DPF3: variants seen among roughly 807,000 people sequenced by gnomAD.
DPF3 encodes double PHD fingers 3.
DPF3 carries 18 observed loss-of-function variants against 56.8 expected under a neutral mutation model. The observed-to-expected ratio is 0.32, with a 90% CI of 0.22 to 0.47. The LOEUF is 0.47. Among genes scored for constraint, DPF3 ranks in the 20% least tolerant of loss-of-function variants. DPF3 has a pLI of 1.00. For missense variants in DPF3, 403 were observed against 488.8 expected, an observed-to-expected ratio of 0.82 and a Z score of 1.65; for synonymous variants, 188 against 180.2, an observed-to-expected ratio of 1.04 and a Z score of -0.35.
chr14:72,615,077 G>A lies in DPF3; in HGVS notation c.*4220C>T, dbSNP rs12434675. On this transcript the variant is annotated 3_prime_UTR_variant, in exon 11 of 11. Transcript: ENST00000556509. ...TCTGGCCAGAGCCAACTTCTCCCTC[G>A]GGCTGAGACATGGGGACCCCCTGAA... Among the ~76,000 whole-genome samples the A allele has an allele frequency of 0.26, 40,007 of 152,000 alleles. 6,594 individuals carry two copies. Among genetic ancestry groups the A allele is most frequent in the East Asian group, 0.64 (3,277 of 5,122 alleles).
intron 1 of DPF3, among the ~76,000 whole-genome samples, chr14:72,855,552 G>A (rs186261237): frequency 1.6e-4 from 25 of 152,320 alleles, no homozygotes; most frequent in African/African-American, 6.0e-4. Context: ...GTGTCTAGAA[G>A]GTTCAACCAC....
chr14:72,856,120 C>T (rs748863841), intron 1 of DPF3, among the ~76,000 whole-genome samples: 1 of 152,172 alleles, frequency 6.6e-6, no homozygotes, highest in Non-Finnish European at 1.5e-5. Context: ...TTGGGCAGGG[C>T]ACTTCTTTGG....
intron 2 of DPF3, among the ~76,000 whole-genome samples, chr14:72,756,828 GAA>G (rs1221382752): frequency 1.6e-4 from 13 of 79,672 alleles, no homozygotes; most frequent in East Asian, 1.0e-3. Context: ...AAGACAGAAA[GAA>G]AGAAAGAAAG....
chr14:72,669,796 G>A (rs552855658), intron 8 of DPF3, among the ~76,000 whole-genome samples: 21 of 152,248 alleles, frequency 1.4e-4, no homozygotes, highest in Non-Finnish European at 2.8e-4. Context: ...GAGGGCCAGG[G>A]GGAGACACTC....
chr14:72,861,741 A>AAGAAAGAAAGAAAG (rs1567261099), intron 1 of DPF3, among the ~76,000 whole-genome samples: 25 of 107,372 alleles, frequency 2.3e-4, no homozygotes, highest in South Asian at 9.6e-4. Flanking sequence ...AAGAAAGAGA[A>AAGAAAGAAAGAAAG]AGAAAGAAAG....
intron 3 of DPF3, among the ~76,000 whole-genome samples, chr14:72,742,278 CA>C (rs2139877897): frequency 6.6e-6 from 1 of 152,316 alleles, no homozygotes; most frequent in South Asian, 2.1e-4. Context: ...CACTTGAAGG[CA>C]TCCATTCTCC....
At chr14:72,861,737 G>GAAAGAGAA (rs1555513992) in intron 1 of DPF3, among the ~76,000 whole-genome samples, 3 of 84,608 alleles carry the variant, frequency 3.5e-5, no homozygotes, top group East Asian at 3.4e-4. Flanking sequence ...AAGAAAGAAA[G>GAAAGAGAA]AGAAAGAAAG....
chr14:72,632,758 G>A (rs1031674021), intron 8 of DPF3, among the ~76,000 whole-genome samples: 2 of 139,752 alleles, frequency 1.4e-5, no homozygotes, highest in Non-Finnish European at 3.1e-5. Flanking sequence ...GATGGAGGGA[G>A]GGGAAGGGGA....
intron 1 of DPF3, among the ~76,000 whole-genome samples, chr14:72,813,481 A>C (rs1883150273): frequency 6.6e-6 from 1 of 152,190 alleles, no homozygotes; most frequent in Non-Finnish European, 1.5e-5. Flanking sequence ...GCCACTTCCC[A>C]GCCCACAGCA....
At chr14:72,852,765 A>G (rs1885030525) in intron 1 of DPF3, among the ~76,000 whole-genome samples, 1 of 152,204 alleles carries the variant, frequency 6.6e-6, no homozygotes, top group Admixed American at 6.5e-5. Context: ...CGATTTCTAC[A>G]TGGAATGTTT....
intron 9 of DPF3, 26 bp downstream of exon 9, chr14:72,629,598 T>G: frequency 6.6e-7 from 1 of 1,523,242 alleles, no homozygotes; most frequent in South Asian, 1.2e-5. Context: ...GATTTCTCCC[T>G]CCCACAGGGA....
At chr14:72,672,393 A>G (rs1009449198) in intron 8 of DPF3, among the ~76,000 whole-genome samples, 1 of 152,192 alleles carries the variant, frequency 6.6e-6, no homozygotes, top group African/African-American at 2.4e-5. Context: ...CTTCTCTGGA[A>G]GGACCGTAGG....
chr14:72,893,988 C>G (rs1213048564), intron 1 of DPF3, 69 bp downstream of exon 1: 9 of 1,593,638 alleles, frequency 5.6e-6, no homozygotes, highest in Non-Finnish European at 7.7e-6. Flanking sequence ...CAGCGCTCGC[C>G]ACGCAGAAGG....
intron 7 of DPF3, among the ~76,000 whole-genome samples, chr14:72,683,705 G>A (rs936433325): frequency 1.3e-5 from 2 of 152,190 alleles, no homozygotes; most frequent in Non-Finnish European, 2.9e-5. Flanking sequence ...TCACAGGCTA[G>A]GGCTTCCCAG....
At chr14:72,834,108 G>A (rs1380193219) in intron 1 of DPF3, among the ~76,000 whole-genome samples, 1 of 152,044 alleles carries the variant, frequency 6.6e-6, no homozygotes, top group African/African-American at 2.4e-5. Flanking sequence ...AACCTGGGAG[G>A]AGAAGGTTGC....
At chr14:72,767,304 G>T (rs553474188) in intron 2 of DPF3, among the ~76,000 whole-genome samples, 21 of 152,218 alleles carry the variant, frequency 1.4e-4, no homozygotes, top group African/African-American at 4.6e-4. Context: ...CTCAAATGAG[G>T]AAAGACACAG....
chr14:72,821,997 A>T (rs1304176989), intron 1 of DPF3, among the ~76,000 whole-genome samples: 1 of 152,130 alleles, frequency 6.6e-6, no homozygotes, highest in African/African-American at 2.4e-5. Flanking sequence ...ACAGAGTGAG[A>T]TCTTGTATTG....
chr14:72,843,399 A>G lies in DPF3; in HGVS notation c.32+50658T>C, dbSNP rs534855306. Among the ~76,000 whole-genome samples, 5 of 152,324 alleles carry G rather than the reference A, an allele frequency of 3.3e-5. No homozygotes were observed. The South Asian group carries it at 1.0e-3, about 32-fold the overall frequency. ...GGGGAAAAAGGCGTAGTTAATTTTT[A>G]TACAGAAATCTGTTAAAGAGATCTG... On this transcript the variant is annotated intron_variant, in intron 1 of 10. Transcript: ENST00000556509.
intron 1 of DPF3, among the ~76,000 whole-genome samples, chr14:72,882,695 C>T (rs1204252397): frequency 2.0e-5 from 3 of 152,184 alleles, no homozygotes; most frequent in Non-Finnish European, 4.4e-5. Flanking sequence ...TCTGCATTGG[C>T]TAAGTCCTCA....
Sources: allele counts gnomAD v4.1 joint callset (sites outside exome capture counted in the v4.1 genomes callset), GRCh38; gene constraint gnomAD v4.1.1; transcripts MANE v1.5; gene names NCBI Gene and HGNC (gene_info 2026-07-23, HGNC 2026-07-21).